Variants in KDR observed in about 807,000 individuals in gnomAD.
KDR encodes vascular endothelial growth factor receptor 2.
In KDR, 43 loss-of-function variants were observed where a neutral mutation model predicts 160.9. The ratio of observed to expected loss-of-function variants is 0.27; its 90% confidence interval spans 0.21 to 0.34. The LOEUF is 0.34. Among genes scored for constraint, KDR ranks in the 10% least tolerant of loss-of-function variants. KDR has a pLI of 1.00. For missense variants in KDR, 1,469 were observed against 1,666.4 expected (o/e 0.88, Z 2.06); for synonymous variants, 617 against 600.1 (o/e 1.03, Z -0.41).
At chr4:55,086,640 G>A (rs756070241) in intron 27 of KDR, among the ~76,000 whole-genome samples, 6 of 152,172 alleles carry the variant, frequency 3.9e-5, no homozygotes, top group Non-Finnish European at 8.8e-5. Flanking sequence ...TCAATGGAAC[G>A]GTCAGCTGTC....
At chr4:55,089,186 T>A (rs759942151) in intron 25 of KDR, among the ~76,000 whole-genome samples, 188 bp downstream of exon 25, 1 of 152,210 alleles carries the variant, frequency 6.6e-6, no homozygotes, top group Non-Finnish European at 1.5e-5. Flanking sequence ...AACTGGTTGC[T>A]TTGAATAATA....
intron 2 of KDR, among the ~76,000 whole-genome samples, chr4:55,119,568 A>G (rs540093091): frequency 6.6e-6 from 1 of 152,338 alleles, no homozygotes; most frequent in East Asian, 1.9e-4. Context: ...GGTGGTCTTG[A>G]TAAAGCTAGC....
intron 6 of KDR, among the ~76,000 whole-genome samples, 200 bp downstream of exon 6, chr4:55,113,926 C>T (rs1039137536): frequency 6.6e-6 from 1 of 152,168 alleles, no homozygotes; most frequent in South Asian, 2.1e-4. Context: ...CCTGGTATTT[C>T]ACCTTTTGGT....
chr4:55,112,328 A>T (rs1309506648), intron 7 of KDR, among the ~76,000 whole-genome samples: 1 of 152,132 alleles, frequency 6.6e-6, no homozygotes, highest in African/African-American at 2.4e-5. Flanking sequence ...CACTTAATGA[A>T]TAGTAAATAT....
chr4:55,117,013 C>A (rs757731195), intron 3 of KDR, among the ~76,000 whole-genome samples: 2 of 119,782 alleles, frequency 1.7e-5, no homozygotes, highest in Non-Finnish European at 4.0e-5. Flanking sequence ...ATAAACAGTG[C>A]TAGGGATTGC....
At chr4:55,121,900 T>C (rs1014876054) in intron 1 of KDR, among the ~76,000 whole-genome samples, 54 of 142,978 alleles carry the variant, frequency 3.8e-4, no homozygotes, top group African/African-American at 1.4e-3. Context: ...TCTACTGTAA[T>C]TCATTAGCAT....
intron 1 of KDR, chr4:55,122,947 TTAAA>T (rs1269685686): frequency 6.6e-6 from 1 of 152,198 alleles, no homozygotes; most frequent in African/African-American, 2.4e-5. Flanking sequence ...CATTTATGTT[TTAAA>T]TAGAGAATGG....
intron 15 of KDR, among the ~76,000 whole-genome samples, chr4:55,099,552 A>G (rs6554233): frequency 0.09 from 13,701 of 152,270 alleles, 1,997 homozygotes; most frequent in African/African-American, 0.31. Context: ...ACTGATAGTC[A>G]ATATTTTGAT....
chr4:55,089,370 T>G lies in KDR; in HGVS notation c.3404+4A>C. 1 of 1,591,964 alleles carries G rather than the reference T, an allele frequency of 6.3e-7. No individual in the cohort carries two copies. The highest frequency in any genetic ancestry group is 8.6e-7 in the Non-Finnish European group (1 of 1,160,672). On this transcript the variant is annotated splice_donor_region_variant and intron_variant, in intron 25 of 29. Coordinates refer to ENST00000263923, the MANE Select transcript of KDR (RefSeq NM_002253.4). Reference sequence around the variant, plus strand: ...GAACACAGGAATACTTCTTAAAGTCTTACATTTCTGGTGTAGTATAATCAG... The same window carrying G: ...GAACACAGGAATACTTCTTAAAGTCGTACATTTCTGGTGTAGTATAATCAG...
chr4:55,101,180 T>C (rs1720302295), intron 15 of KDR, among the ~76,000 whole-genome samples: 1 of 152,172 alleles, frequency 6.6e-6, no homozygotes, highest in Admixed American at 6.5e-5. Context: ...CAAATAAATA[T>C]AAAGGCATCA....
In KDR at chr4:55,114,203, T is replaced by G. The variant is rs1443344654; in HGVS notation, c.721A>C (p.Lys241Gln). ...CTTGCTGTACAATTTAAGACAAGCT[T>G]TTCTCCAACAGATAGTTCAATTCCA... is the stretch of plus-strand genomic sequence containing the variant. ...SHGIELSVGEKLVLNCTARTE... is the reference protein window; with the variant it reads ...SHGIELSVGEQLVLNCTARTE... The change falls in exon 6 of 30, where the codon AAG (lysine) becomes CAG (glutamine). Residue 241 changes from lysine to glutamine, a missense_variant. By Grantham distance (53) the Lys-to-Gln change is moderately conservative. Transcript: ENST00000263923. 4 of 1,613,876 alleles carry G rather than the reference T, an allele frequency of 2.5e-6. No individual in the cohort carries two copies. The highest frequency in any genetic ancestry group is 3.4e-6 in the Non-Finnish European group (4 of 1,179,904).
At chr4:55,084,974 C>G (rs1719825967) in intron 27 of KDR, among the ~76,000 whole-genome samples, 3 of 152,298 alleles carry the variant, frequency 2.0e-5, no homozygotes, top group Middle Eastern at 6.8e-3. Context: ...CAGGCTGCCC[C>G]AAGCATCAAT....
In KDR at chr4:55,080,119, C is replaced by T. The variant is rs751241917; in HGVS notation, c.3893G>A (p.Gly1298Asp). 12 of 1,613,754 alleles carry T rather than the reference C, an allele frequency of 7.4e-6. No homozygotes were observed. The highest frequency in any genetic ancestry group is 1.7e-5 in the Admixed American group (1 of 59,994). ...SKSRESVASE[G>D]SNQTSGYQSG... ...CTGGTAGCCGCTTGTCTGGTTTGAG[C>T]CTTCAGATGCCACAGACTCCCTGCT... Residue 1298 changes from glycine to aspartate, a missense_variant, in exon 30 of 30, where the codon GGC becomes GAC. Gly to Asp is a moderately conservative substitution (Grantham distance 94, BLOSUM62 -1). Transcript: ENST00000263923.
chr4:55,098,349 A>C, intron 16 of KDR, 77 bp from the exon 17 acceptor site: 2 of 1,524,526 alleles, frequency 1.3e-6, no homozygotes, highest in Non-Finnish European at 9.1e-7. Context: ...ATTGCTGTTT[A>C]TTGGAGCCTC....
chr4:55,106,814 T>C lies in KDR; in HGVS notation c.1413-4A>G, dbSNP rs1720455948. The C allele has an allele frequency of 2.5e-6, 4 of 1,605,270 alleles. No individual in the cohort carries two copies. The African/African-American group carries it at 4.0e-5, about 16-fold the overall frequency. On this transcript the variant is annotated splice_region_variant and splice_polypyrimidine_tract_variant and intron_variant, in intron 10 of 29. Coordinates refer to ENST00000263923, the MANE Select transcript of KDR (RefSeq NM_002253.4). ...GTTTGTCACTGAGACAGCTTGGCTA[T>C]AAGAAAGAGATAACAGCGCATATTA...
intron 29 of KDR, among the ~76,000 whole-genome samples, chr4:55,081,102 C>T (rs1301173519): frequency 1.1e-4 from 16 of 152,182 alleles, no homozygotes; most frequent in Admixed American, 1.0e-3. Context: ...ATGAATGAAA[C>T]ATATCATTGA....
At chr4:55,109,658 A>C (rs1324724141) in intron 9 of KDR, among the ~76,000 whole-genome samples, 1 of 152,180 alleles carries the variant, frequency 6.6e-6, no homozygotes, top group Non-Finnish European at 1.5e-5. Flanking sequence ...CTCCTGGAGA[A>C]TACCAATATA....
Position 55,110,783 on chromosome 4 carries a change from A to G in KDR, c.977-15T>C. On this transcript the variant is annotated splice_polypyrimidine_tract_variant and intron_variant, in intron 7 of 29. Coordinates refer to ENST00000263923, the MANE Select transcript of KDR (RefSeq NM_002253.4). ...AAAAGGTTTTTCTGGAAGAAAATAAAAAAAAAAAAAGGTCAACTTACTGTA... is the reference window on the plus strand; with the variant it reads ...AAAAGGTTTTTCTGGAAGAAAATAAGAAAAAAAAAAGGTCAACTTACTGTA... 1 of 1,582,112 alleles carries G rather than the reference A, an allele frequency of 6.3e-7. No homozygotes were observed. Among genetic ancestry groups the G allele is most frequent in the South Asian group, 1.1e-5 (1 of 89,090 alleles).
At chr4:55,096,644 A>G in intron 18 of KDR, 1 of 415,920 alleles carries the variant, frequency 2.4e-6, no homozygotes, top group South Asian at 2.5e-5. Context: ...CTTCTTCTGC[A>G]AAACTGGATT....
Sources: gnomAD v4.1 joint callset for allele counts (sites outside exome capture counted in the v4.1 genomes callset) on GRCh38, gnomAD v4.1.1 for gene constraint, MANE v1.5 for transcripts, NCBI Gene and HGNC (gene_info 2026-07-23, HGNC 2026-07-21) for gene names.